Variants in ZNF737 observed in about 807,000 individuals in gnomAD.
The protein encoded by ZNF737 is zinc finger protein 737, also known as zinc finger protein 102 (Y3).
ZNF737 carries 13 observed loss-of-function variants against 11.7 expected under a neutral mutation model. The observed-to-expected ratio is 1.11, with a 90% CI of 0.73 to 1.77. The LOEUF is 1.77. Ranked by LOEUF, ZNF737 falls within the 40% of genes most tolerant of loss-of-function variation. The pLI is 0.00. For missense variants in ZNF737, 636 were observed against 638.0 expected (o/e 1.00, Z 0.03); for synonymous variants, 217 against 216.2 (o/e 1.00, Z -0.03).
intron 1 of ZNF737, among the ~76,000 whole-genome samples, chr19:20,557,717 A>G (rs1287238168): frequency 6.6e-6 from 1 of 151,534 alleles, no homozygotes; most frequent in East Asian, 2.0e-4. Flanking sequence ...CCAGGGTTCA[A>G]GTGATTCTTC....
chr19:20,553,186 G>A (rs1968758035), intron 2 of ZNF737, among the ~76,000 whole-genome samples: 1 of 152,116 alleles, frequency 6.6e-6, no homozygotes, highest in Admixed American at 6.6e-5. Flanking sequence ...AATTTGGAGT[G>A]AAGATTACAG....
Position 20,543,042 on chromosome 19 carries a change from A to C in ZNF737, c.*1550T>G. The C allele has an allele frequency of 1.0e-6, 1 of 985,202 alleles. No individual in the cohort carries two copies. The allele number at this position is 985,202 out of a possible 1,614,324, so 61.0% of individuals were successfully genotyped here. A position where few individuals can be genotyped will look rare whatever the true frequency, so the allele number is the denominator to read the frequency against. ...GTTTTTATATTCAATGCTCTGATTT[A>C]GTGTAATGTCTGAAGTGTCGGGGCC... On this transcript the variant is annotated 3_prime_UTR_variant, in exon 4 of 4. Transcript: ENST00000427401.
At chr19:20,552,399 T>G in intron 3 of ZNF737, 76 bp downstream of exon 3, 2 of 1,054,390 alleles carry the variant, frequency 1.9e-6, no homozygotes, top group Non-Finnish European at 2.7e-6. Context: ...AATCACACTT[T>G]AAGGACTGGC....
chr19:20,546,243 G>A (rs1248001446), intron 3 of ZNF737, among the ~76,000 whole-genome samples: 1 of 152,166 alleles, frequency 6.6e-6, no homozygotes, highest in Non-Finnish European at 1.5e-5. Flanking sequence ...AGAAAATTCT[G>A]TTACTTATAC....
At chr19:20,559,872 G>A (rs1555761965) in intron 1 of ZNF737, among the ~76,000 whole-genome samples, 1 of 152,148 alleles carries the variant, frequency 6.6e-6, no homozygotes. Context: ...ACTGGGTAAA[G>A]AAAATATGGT....
chr19:20,530,401 C>T, the ZNF737 span, among the ~76,000 whole-genome samples: 598 of 143,832 alleles, frequency 4.2e-3, 37 homozygotes, highest in Admixed American at 6.1e-3. Context: ...ACTGGCCTGA[C>T]GGGGGCTGAC....
In ZNF737 at chr19:20,540,006, T is replaced by C; in HGVS notation, c.*4586A>G. 2.0e-6 allele frequency: 2 copies of C among 985,296 alleles called. No homozygotes were observed. The highest frequency in any genetic ancestry group is 1.1e-4 in the East Asian group (1 of 8,820). 61.0% of individuals were successfully genotyped at this position (985,296 alleles called of 1,614,324 possible). A position where few individuals can be genotyped will look rare whatever the true frequency, so the allele number is the denominator to read the frequency against. On this transcript the variant is annotated 3_prime_UTR_variant, in exon 4 of 4. Coordinates refer to ENST00000427401, the MANE Select transcript of ZNF737 (RefSeq NM_001159293.2). ...ACCTGTTGTGGTCTCCTGTTTCTCT[T>C]AAGCTATCCCAGATGAGAGGTGATT...
At chr19:20,548,457 C>G (rs1968535167) in intron 3 of ZNF737, among the ~76,000 whole-genome samples, 1 of 152,086 alleles carries the variant, frequency 6.6e-6, no homozygotes, top group Non-Finnish European at 1.5e-5. Flanking sequence ...TAGTCAAAAT[C>G]ATAAAATCAG....
At chr19:20,532,865 C>CCATCAT (rs1161352911), downstream of ZNF737, among the ~76,000 whole-genome samples, 1 of 149,748 alleles carries the variant, frequency 6.7e-6, no homozygotes, top group African/African-American at 2.5e-5. Context: ...ATATTTGCTT[C>CCATCAT]CATCATCATC....
downstream of ZNF737, among the ~76,000 whole-genome samples, chr19:20,537,126 T>C (rs1319550010): frequency 6.6e-6 from 1 of 151,690 alleles, no homozygotes; most frequent in Non-Finnish European, 1.5e-5. Context: ...CAAAAACTGA[T>C]CATGAATAGC....
At chr19:20,534,462 T>TATC (rs1238056602), downstream of ZNF737, among the ~76,000 whole-genome samples, 1 of 118,696 alleles carries the variant, frequency 8.4e-6, no homozygotes, top group Non-Finnish European at 2.0e-5. Flanking sequence ...AATATCTATC[T>TATC]ATCTATCTAT....
intron 1 of ZNF737, 95 bp downstream of exon 1, chr19:20,565,543 T>C: frequency 6.3e-7 from 1 of 1,595,004 alleles, no homozygotes; most frequent in East Asian, 2.2e-5. Flanking sequence ...ATTGTGGAGC[T>C]GACTGCGCAG....
chr19:20,556,439 T>A (rs1555761185), intron 1 of ZNF737, among the ~76,000 whole-genome samples: 1 of 152,178 alleles, frequency 6.6e-6, no homozygotes, highest in Admixed American at 6.5e-5. Context: ...CGAGCTAAGC[T>A]AAGCATTGCC....
rs964821630 is a variant in ZNF737 at position 20,546,241 on chromosome 19, C to T, written c.227-265G>A. ...AGCCACATAGAATAAAAAGAAAATT[C>T]TGTTACTTATACCCAACAGAGCTCT... On this transcript the variant is annotated intron_variant, in intron 3 of 3. Transcript: ENST00000427401. Among the ~76,000 whole-genome samples, 4 of 152,284 alleles carry T rather than the reference C, an allele frequency of 2.6e-5. No individual in the cohort carries two copies. In the South Asian group the frequency reaches 8.3e-4, roughly 32 times the overall value.
At chr19:20,535,854 TA>T (rs35597979), downstream of ZNF737, 464 of 141,790 alleles carry the variant, frequency 3.3e-3, no homozygotes, top group African/African-American at 4.0e-3. Flanking sequence ...ATGTAAAGTG[TA>T]AAAAAAAAAA....
downstream of ZNF737, among the ~76,000 whole-genome samples, chr19:20,536,458 T>C (rs2122455761): frequency 6.6e-6 from 1 of 152,326 alleles, no homozygotes; most frequent in South Asian, 2.1e-4. Flanking sequence ...TCCTTCACTT[T>C]ATATCAGTGA....
At chr19:20,530,431 C>T in the ZNF737 span, among the ~76,000 whole-genome samples, 8 of 149,478 alleles carry the variant, frequency 5.4e-5, no homozygotes, top group South Asian at 2.2e-4. Flanking sequence ...CCCTCCTGGG[C>T]GGGGTGGCTG....
chr19:20,542,030 T>A lies in ZNF737; in HGVS notation c.*2562A>T, dbSNP rs1436053158. 2.0e-6 allele frequency: 2 copies of A among 984,602 alleles called. No homozygotes were observed. The highest frequency in any genetic ancestry group is 2.4e-6 in the Non-Finnish European group (2 of 829,356). 61.0% of individuals were successfully genotyped at this position (984,602 alleles called of 1,614,324 possible). A position where few individuals can be genotyped will look rare whatever the true frequency, so the allele number is the denominator to read the frequency against. ...TTAATCTATGGGAACAATATTTAACTCATTTGCAGTTTAAAGCCACTGACA... is the reference window on the plus strand; with the variant it reads ...TTAATCTATGGGAACAATATTTAACACATTTGCAGTTTAAAGCCACTGACA... On this transcript the variant is annotated 3_prime_UTR_variant, in exon 4 of 4. Coordinates refer to ENST00000427401, the MANE Select transcript of ZNF737 (RefSeq NM_001159293.2).
At chr19:20,562,639 G>C (rs1390467121) in intron 1 of ZNF737, among the ~76,000 whole-genome samples, 1 of 151,606 alleles carries the variant, frequency 6.6e-6, no homozygotes, top group African/African-American at 2.4e-5. Flanking sequence ...TATTTTAGTA[G>C]AGACAGGATT....
Sources: gnomAD v4.1 joint callset for allele counts (sites outside exome capture counted in the v4.1 genomes callset) on GRCh38, gnomAD v4.1.1 for gene constraint, MANE v1.5 for transcripts, NCBI Gene and HGNC (gene_info 2026-07-23, HGNC 2026-07-21) for gene names.